ATP9A: variants seen among roughly 807,000 people sequenced by gnomAD.
The protein encoded by ATP9A is ATPase phospholipid transporting 9A.
Under a neutral mutation model 144.1 loss-of-function variants are expected in ATP9A, and 52 were observed. The ratio of observed to expected loss-of-function variants is 0.36; its 90% CI spans 0.29 to 0.45. The LOEUF (loss-of-function observed/expected upper bound fraction) is 0.45, where lower values mean the gene tolerates loss of function less well. Among genes scored for constraint, ATP9A ranks in the 20% least tolerant of loss-of-function variants. The probability of loss-of-function intolerance (pLI) is 1.00; values close to 1 mark genes in which losing one functional copy is unlikely to be tolerated. For missense variants in ATP9A, 947 were observed against 1,392.7 expected (o/e 0.68, Z 5.09); for synonymous variants, 582 against 557.4 (o/e 1.04, Z -0.62).
chr20:51,713,009 G>C lies in ATP9A; in HGVS notation c.393C>G (p.Asp131Glu). 6.2e-7 allele frequency: 1 copy of C among 1,613,228 alleles called. No individual in the cohort carries two copies. Among genetic ancestry groups the C allele is most frequent in the East Asian group, 2.2e-5 (1 of 44,836 alleles). ...AVEEIRCYVRDKEVNSQVYSR... is the reference protein window; with the variant it reads ...AVEEIRCYVREKEVNSQVYSR... ...TGTAGACCTGGGAGTTGACTTCCTT[G>C]TCCCGCACGTAGCATCGGATCTCCT... Residue 131 changes from aspartate to glutamate, a missense_variant, in exon 4 of 28, where the codon GAC (aspartate) becomes GAG (glutamate). By Grantham distance (45) the Asp-to-Glu change is conservative. Transcript: ENST00000338821.
chr20:51,665,158 T>G (rs2077427534), intron 13 of ATP9A, among the ~76,000 whole-genome samples: 1 of 151,452 alleles, frequency 6.6e-6, no homozygotes. Context: ...ACACAAAAGG[T>G]CACATATTGT....
At chr20:51,743,397 T>C (rs1314757148) in intron 1 of ATP9A, among the ~76,000 whole-genome samples, 1 of 16,606 alleles carries the variant, frequency 6.0e-5, no homozygotes. Context: ...CCGAAACTGA[T>C]TTTTTTTTTT....
chr20:51,717,214 C>T (rs1177576127), intron 3 of ATP9A, among the ~76,000 whole-genome samples: 2 of 150,774 alleles, frequency 1.3e-5, no homozygotes, highest in Non-Finnish European at 2.9e-5. Flanking sequence ...AACCACTTGG[C>T]TCCACAGCCC....
intron 4 of ATP9A, among the ~76,000 whole-genome samples, chr20:51,708,521 G>GGT (rs2077624122): frequency 6.6e-6 from 1 of 151,724 alleles, no homozygotes; most frequent in East Asian, 1.9e-4. Flanking sequence ...GGTCACTCGA[G>GGT]CCTAGGAGCT....
intron 21 of ATP9A, 101 bp from the exon 22 acceptor site, chr20:51,617,655 G>T: frequency 7.5e-7 from 1 of 1,332,880 alleles, no homozygotes; most frequent in Non-Finnish European, 1.1e-6. Context: ...CGGAGCGCTT[G>T]CTGAGTGCCT....
intron 12 of ATP9A, 114 bp from the exon 13 acceptor site, chr20:51,670,223 A>G (rs2077450333): frequency 1.3e-6 from 1 of 755,748 alleles, no homozygotes; most frequent in African/African-American, 1.7e-5. Flanking sequence ...CACTGCAGTC[A>G]GTACTGTCCC....
intron 13 of ATP9A, among the ~76,000 whole-genome samples, chr20:51,667,729 G>C (rs887198688): frequency 6.6e-6 from 1 of 152,004 alleles, no homozygotes; most frequent in Non-Finnish European, 1.5e-5. Context: ...GGGTCACCTT[G>C]CTGAGTGAGT....
chr20:51,733,690 TTTTA>T (rs1180190976), intron 1 of ATP9A, among the ~76,000 whole-genome samples: 1 of 151,996 alleles, frequency 6.6e-6, no homozygotes, highest in African/African-American at 2.4e-5. Flanking sequence ...TTTAATTTTT[TTTTA>T]AATTAAAAAA....
chr20:51,617,177 AGT>A (rs2077206520), intron 22 of ATP9A, among the ~76,000 whole-genome samples: 1 of 109,098 alleles, frequency 9.2e-6, no homozygotes, highest in African/African-American at 4.0e-5. Flanking sequence ...CCTGACCTCA[AGT>A]GATGATCCAC....
In ATP9A at chr20:51,713,069, G is replaced by A. The variant is rs768924340; in HGVS notation, c.333C>T (p.Phe111=). The A allele has an allele frequency of 8.1e-6, 13 of 1,609,722 alleles. No individual in the cohort carries two copies. Among genetic ancestry groups the A allele is most frequent in the Admixed American group, 6.7e-5 (4 of 59,590 alleles). ...CACGGATGACAGTGACGGCCAGCAC[G>A]AAGCCCTGCAGAGACAGACGACAGT... ...ALYTYWVPLG[F]VLAVTVIREA... is the part of the protein sequence containing the mutation. Residue 111 remains phenylalanine (F), a synonymous_variant, in exon 4 of 28, where the codon TTC becomes TTT. Transcript: ENST00000338821.
intron 1 of ATP9A, among the ~76,000 whole-genome samples, chr20:51,759,910 T>C (rs1055234032): frequency 6.6e-6 from 1 of 152,146 alleles, no homozygotes; most frequent in East Asian, 1.9e-4. Context: ...CAGTCACTAA[T>C]GGATGCGTGC....
chr20:51,613,618 CA>C, intron 23 of ATP9A, 58 bp downstream of exon 23: 1 of 1,512,120 alleles, frequency 6.6e-7, no homozygotes, highest in Non-Finnish European at 8.9e-7. Context: ...AGCAGCTGCC[CA>C]CCCACCTACA....
At chr20:51,758,839 C>T (rs1277094112) in intron 1 of ATP9A, among the ~76,000 whole-genome samples, 4 of 152,122 alleles carry the variant, frequency 2.6e-5, no homozygotes, top group Non-Finnish European at 4.4e-5. Context: ...GAAGGAGAAT[C>T]GCTTGAACTC....
At chr20:51,685,657 C>G (rs2077519965) in intron 9 of ATP9A, among the ~76,000 whole-genome samples, 1 of 152,094 alleles carries the variant, frequency 6.6e-6, no homozygotes, top group Admixed American at 6.6e-5. Flanking sequence ...AAATCAAAAC[C>G]ACAATGAGAT....
chr20:51,762,287 T>G (rs540599749), intron 1 of ATP9A, among the ~76,000 whole-genome samples: 1 of 151,904 alleles, frequency 6.6e-6, no homozygotes, highest in Non-Finnish European at 1.5e-5. Context: ...GATCATGAGG[T>G]CAAGAGATCG....
At chr20:51,759,659 G>C (rs2077870853) in intron 1 of ATP9A, among the ~76,000 whole-genome samples, 1 of 151,844 alleles carries the variant, frequency 6.6e-6, no homozygotes, top group African/African-American at 2.4e-5. Context: ...GGCGACAAGA[G>C]CAAGATTCTG....
In ATP9A at chr20:51,679,601, C is replaced by T. The variant is rs149590869; in HGVS notation, c.800-3393G>A. On this transcript the variant is annotated intron_variant, in intron 9 of 27. Coordinates refer to ENST00000338821, the MANE Select transcript of ATP9A (RefSeq NM_006045.3). ...CTGTCACCTCTGCAGCCCCTCCTTG[C>T]TCTCAAGGTTCTCTTCACTCCCACC... Among the ~76,000 whole-genome samples, 17 of 152,256 alleles carry T rather than the reference C, an allele frequency of 1.1e-4. No homozygotes were observed. The East Asian group carries it at 3.1e-3, about 28-fold the overall frequency.
chr20:51,694,724 G>C (rs2077563339), intron 6 of ATP9A, among the ~76,000 whole-genome samples: 1 of 152,176 alleles, frequency 6.6e-6, no homozygotes. Context: ...TTTCAGAGGT[G>C]TATCTTTCAG....
chr20:51,720,787 T>C (rs901102296), intron 3 of ATP9A, among the ~76,000 whole-genome samples: 3 of 152,150 alleles, frequency 2.0e-5, no homozygotes, highest in African/African-American at 7.2e-5. Context: ...TGAGCCGATA[T>C]CGCGCCATTG....
Sources: gnomAD v4.1 joint callset for allele counts (sites outside exome capture counted in the v4.1 genomes callset) on GRCh38, gnomAD v4.1.1 for gene constraint, MANE v1.5 for transcripts, NCBI Gene and HGNC (gene_info 2026-07-23, HGNC 2026-07-21) for gene names.